The following CMIP variants were observed in gnomAD, a reference collection of about 807,000 sequenced individuals.
The protein encoded by CMIP is C-Maf-inducing protein.
In CMIP, 13 loss-of-function variants were observed where a neutral mutation model predicts 97.3. That is an observed-to-expected ratio of 0.13 (90% CI 0.09 to 0.21). The LOEUF is 0.21. Ranked by LOEUF, CMIP falls within the 10% of genes least tolerant of loss-of-function variation. The probability of loss-of-function intolerance (pLI) is 1.00; values close to 1 mark genes in which losing one functional copy is unlikely to be tolerated. For synonymous variants in CMIP, 538 were observed against 436.3 expected (o/e 1.23, Z -2.91); for missense variants, 847 against 1,024.9 (o/e 0.83, Z 2.37).
At chr16:81,462,027 C>T (rs967677704) in intron 1 of CMIP, among the ~76,000 whole-genome samples, 1 of 152,230 alleles carries the variant, frequency 6.6e-6, no homozygotes, top group African/African-American at 2.4e-5. Context: ...ACCCATGGAA[C>T]TGTGTTGTCA....
At chr16:81,460,703 G>C (rs1906849691) in intron 1 of CMIP, among the ~76,000 whole-genome samples, 1 of 152,160 alleles carries the variant, frequency 6.6e-6, no homozygotes, top group Non-Finnish European at 1.5e-5. Context: ...AGATGGAGTG[G>C]TGTTCAGAGC....
At chr16:81,502,650 A>G (rs2089634625) in intron 1 of CMIP, among the ~76,000 whole-genome samples, 2 of 152,242 alleles carry the variant, frequency 1.3e-5, no homozygotes, top group Admixed American at 6.5e-5. Context: ...AGTCACATCC[A>G]AGACCTGCCC....
Position 81,678,264 on chromosome 16 carries a change from T to C in CMIP, c.1035-11T>C. 1 of 1,574,014 alleles carries C rather than the reference T, an allele frequency of 6.4e-7. No individual in the cohort carries two copies. The highest frequency in any genetic ancestry group is 1.2e-5 in the South Asian group (1 of 86,428). ...CTGTACTCATGTGCCCTCTCCCGCC[T>C]CTTCCCCCAGCCGCGACAATTCCCC... is the stretch of plus-strand genomic sequence containing the variant. On this transcript the variant is annotated splice_polypyrimidine_tract_variant and intron_variant, in intron 9 of 20. Transcript: ENST00000537098.
intron 1 of CMIP, among the ~76,000 whole-genome samples, chr16:81,454,065 C>T (rs965554718): frequency 6.6e-6 from 1 of 152,182 alleles, no homozygotes; most frequent in African/African-American, 2.4e-5. Context: ...ATTCACATGA[C>T]CGTGATCTCA....
chr16:81,688,387 G>A (rs912495874), intron 10 of CMIP, among the ~76,000 whole-genome samples: 2 of 152,224 alleles, frequency 1.3e-5, no homozygotes, highest in Non-Finnish European at 2.9e-5. Context: ...GATCACAGCC[G>A]TGGCCTTTCA....
At chr16:81,477,976 G>A (rs2150753593) in intron 1 of CMIP, among the ~76,000 whole-genome samples, 1 of 152,286 alleles carries the variant, frequency 6.6e-6, no homozygotes, top group East Asian at 1.9e-4. Context: ...TGGCATCCCC[G>A]GCTGCAAGAG....
At chr16:81,683,833 C>T (rs928615220) in intron 10 of CMIP, among the ~76,000 whole-genome samples, 1 of 142,050 alleles carries the variant, frequency 7.0e-6, no homozygotes, top group Non-Finnish European at 1.5e-5. Flanking sequence ...GCGATCTCAG[C>T]TCACTGCAAC....
intron 1 of CMIP, among the ~76,000 whole-genome samples, chr16:81,566,232 C>T (rs1239411853): frequency 6.6e-6 from 1 of 152,182 alleles, no homozygotes; most frequent in Non-Finnish European, 1.5e-5. Context: ...AAATTATGTG[C>T]TTGGGGTTTA....
chr16:81,652,495 G>T lies in CMIP; in HGVS notation c.639+131G>T, dbSNP rs1327739409. 10 of 788,646 alleles carry T rather than the reference G, an allele frequency of 1.3e-5. No individual in the cohort carries two copies. The highest frequency in any genetic ancestry group is 1.6e-5 in the Non-Finnish European group (8 of 493,964). The allele number at this position is 788,646 out of a possible 1,614,324, so 48.9% of individuals were successfully genotyped here. A position where few individuals can be genotyped will look rare whatever the true frequency, so the allele number is the denominator to read the frequency against. ...TTGTTGCCCTGCTGCCGAAGGAGGT[G>T]AGCAGTTGCCCACCCAGCCGTGTGT... On this transcript the variant is annotated intron_variant, in intron 4 of 20. Coordinates refer to ENST00000537098, the MANE Select transcript of CMIP (RefSeq NM_198390.3). The surrounding 1 kb of genome is among the most constrained non-coding windows in gnomAD (Gnocchi z 5.2).
intron 1 of CMIP, among the ~76,000 whole-genome samples, chr16:81,503,689 G>A (rs370995978): frequency 3.3e-5 from 5 of 152,206 alleles, no homozygotes; most frequent in Admixed American, 2.6e-4. Flanking sequence ...GAGCCACCGC[G>A]CCTGGCCTTC....
At chr16:81,636,842 C>T (rs1178690319) in intron 3 of CMIP, among the ~76,000 whole-genome samples, 2 of 133,724 alleles carry the variant, frequency 1.5e-5, no homozygotes, top group African/African-American at 5.4e-5. Context: ...CGGACTTGGT[C>T]CCCACCCCCC....
intron 10 of CMIP, among the ~76,000 whole-genome samples, chr16:81,688,722 A>G (rs901313107): frequency 1.1e-4 from 17 of 152,148 alleles, no homozygotes; most frequent in Middle Eastern, 3.2e-3. Context: ...GGTTTGTTAC[A>G]TATGTATACA....
At chr16:81,664,670 A>T in intron 7 of CMIP, 1 of 560,758 alleles carries the variant, frequency 1.8e-6, no homozygotes, top group Non-Finnish European at 3.2e-6. Flanking sequence ...CCAGAGCGCG[A>T]CTTTGCACTC....
At chr16:81,484,031 T>C (rs1184782851) in intron 1 of CMIP, among the ~76,000 whole-genome samples, 1 of 152,230 alleles carries the variant, frequency 6.6e-6, no homozygotes, top group Non-Finnish European at 1.5e-5. Context: ...TAATATTTGT[T>C]AAACACCTAC....
At chr16:81,586,433 G>A (rs1194720016) in intron 1 of CMIP, among the ~76,000 whole-genome samples, 2 of 152,084 alleles carry the variant, frequency 1.3e-5, no homozygotes, top group Non-Finnish European at 2.9e-5. Context: ...AGTGATCCTT[G>A]GGGGCCCAAG....
chr16:81,542,940 T>C (rs2090475853), intron 1 of CMIP, among the ~76,000 whole-genome samples: 1 of 152,198 alleles, frequency 6.6e-6, no homozygotes, highest in African/African-American at 2.4e-5. Context: ...CGGTTTACAT[T>C]GCAGCAGTAT....
intron 1 of CMIP, among the ~76,000 whole-genome samples, chr16:81,577,694 C>G (rs1211722159): frequency 6.7e-6 from 1 of 150,122 alleles, no homozygotes; most frequent in African/African-American, 2.5e-5. Context: ...ATTATTATCA[C>G]TATCACCATC....
At chr16:81,696,372 C>T (rs142628861) in intron 13 of CMIP, 188 bp from the exon 14 acceptor site, 47 of 641,596 alleles carry the variant, frequency 7.3e-5, no homozygotes, top group African/African-American at 2.7e-4. Context: ...GTGGGGGCCA[C>T]GGTATTTCCC....
At chr16:81,684,973 C>T (rs556708521) in intron 10 of CMIP, among the ~76,000 whole-genome samples, 4 of 152,330 alleles carry the variant, frequency 2.6e-5, no homozygotes, top group Non-Finnish European at 4.4e-5. Flanking sequence ...AGGGCAGTCC[C>T]GAGGCGGGGA....
Sources: gnomAD v4.1 joint callset for allele counts (sites outside exome capture counted in the v4.1 genomes callset) on GRCh38, gnomAD v4.1.1 for gene constraint, Gnocchi (gnomAD v3.1) non-coding constraint, MANE v1.5 for transcripts, NCBI Gene and HGNC (gene_info 2026-07-23, HGNC 2026-07-21) for gene names.